Variants in FCHSD2 observed in about 807,000 individuals in gnomAD.
FCHSD2 encodes F-BAR and double SH3 domains protein 2.
Under a neutral mutation model 108.1 loss-of-function variants are expected in FCHSD2, and 38 were observed. The observed-to-expected ratio is 0.35, with a 90% CI of 0.27 to 0.46. The LOEUF is 0.46. FCHSD2 is among the 20% of genes least tolerant of loss of function. The pLI is 1.00. For missense variants in FCHSD2, 751 were observed against 897.8 expected, an observed-to-expected ratio of 0.84 and a Z score of 2.09; for synonymous variants, 279 against 314.7, an observed-to-expected ratio of 0.89 and a Z score of 1.20.
chr11:73,045,855 C>CATGT (rs1288622583), intron 3 of FCHSD2, among the ~76,000 whole-genome samples: 1 of 151,502 alleles, frequency 6.6e-6, no homozygotes. Context: ...CAGCATGGCA[C>CATGT]ATGTATACAT....
intron 3 of FCHSD2, among the ~76,000 whole-genome samples, chr11:73,051,247 T>C (rs1400117050): frequency 6.6e-6 from 1 of 152,126 alleles, no homozygotes; most frequent in Non-Finnish European, 1.5e-5. Flanking sequence ...CCCAGGGGAT[T>C]GAGGCTACGG....
At chr11:73,061,185 C>T (rs986090994) in intron 3 of FCHSD2, among the ~76,000 whole-genome samples, 3 of 152,176 alleles carry the variant, frequency 2.0e-5, no homozygotes, top group Admixed American at 6.5e-5. Context: ...GGTGGGGGGT[C>T]ACCTCACCTG....
At chr11:72,984,733 T>C (rs1857279902) in intron 7 of FCHSD2, among the ~76,000 whole-genome samples, 2 of 152,220 alleles carry the variant, frequency 1.3e-5, no homozygotes, top group South Asian at 4.1e-4. Context: ...CACTCAGGGG[T>C]CTAAATCTAA....
intron 3 of FCHSD2, among the ~76,000 whole-genome samples, chr11:73,055,812 T>C (rs926956782): frequency 1.3e-5 from 2 of 152,148 alleles, no homozygotes; most frequent in Admixed American, 1.3e-4. Context: ...ATGAAGTATC[T>C]AGACTAGGCA....
At chr11:73,061,420 C>G (rs898107442) in intron 3 of FCHSD2, among the ~76,000 whole-genome samples, 4 of 152,284 alleles carry the variant, frequency 2.6e-5, no homozygotes, top group African/African-American at 7.2e-5. Flanking sequence ...TTCTTTTTTT[C>G]CATACCCCAG....
At chr11:72,933,303 C>G (rs758340152) in intron 8 of FCHSD2, among the ~76,000 whole-genome samples, 2 of 152,086 alleles carry the variant, frequency 1.3e-5, no homozygotes, top group Non-Finnish European at 2.9e-5. Context: ...TTCTTCCTAC[C>G]AAGCAGATAG....
intron 8 of FCHSD2, among the ~76,000 whole-genome samples, chr11:72,946,141 C>T (rs568248911): frequency 5.3e-5 from 8 of 152,110 alleles, no homozygotes; most frequent in South Asian, 2.1e-4. Flanking sequence ...GACTTGGAAC[C>T]AACCCAAATG....
intron 3 of FCHSD2, among the ~76,000 whole-genome samples, chr11:73,040,676 C>A (rs1288974721): frequency 1.3e-5 from 2 of 152,154 alleles, no homozygotes; most frequent in African/African-American, 4.8e-5. Flanking sequence ...ATGATCAAAT[C>A]AAGGTATTTA....
At chr11:72,883,248 G>A (rs1462106661) in intron 12 of FCHSD2, among the ~76,000 whole-genome samples, 3 of 152,216 alleles carry the variant, frequency 2.0e-5, no homozygotes, top group Admixed American at 6.5e-5. Flanking sequence ...AACATGAGAG[G>A]ACATATCACA....
intron 8 of FCHSD2, among the ~76,000 whole-genome samples, chr11:72,973,612 T>G (rs1857048160): frequency 6.6e-6 from 1 of 152,170 alleles, no homozygotes; most frequent in Non-Finnish European, 1.5e-5. Flanking sequence ...ATAAGGGAGA[T>G]GTTTTGGGAG....
At chr11:72,966,771 T>G (rs1856915426) in intron 8 of FCHSD2, among the ~76,000 whole-genome samples, 1 of 152,038 alleles carries the variant, frequency 6.6e-6, no homozygotes, top group South Asian at 2.1e-4. Flanking sequence ...AGGTATATAA[T>G]TATAAATTAC....
chr11:73,024,054 A>G (rs1858171331), intron 3 of FCHSD2, among the ~76,000 whole-genome samples: 1 of 152,172 alleles, frequency 6.6e-6, no homozygotes, highest in Non-Finnish European at 1.5e-5. Context: ...TATACATAGT[A>G]TTGTAGTAGT....
chr11:72,887,132 T>C (rs1451861541), intron 12 of FCHSD2, among the ~76,000 whole-genome samples: 1 of 151,612 alleles, frequency 6.6e-6, no homozygotes, highest in Non-Finnish European at 1.5e-5. Context: ...TAAGGAGATA[T>C]ATATATATAT....
At chr11:73,024,913 G>T (rs1352156001) in intron 3 of FCHSD2, among the ~76,000 whole-genome samples, 11 of 152,046 alleles carry the variant, frequency 7.2e-5, no homozygotes, top group Non-Finnish European at 2.9e-5. Flanking sequence ...CTGATCATTA[G>T]AAAAATGCAA....
At chr11:73,078,314 G>A (rs964886381) in intron 3 of FCHSD2, among the ~76,000 whole-genome samples, 24 of 152,228 alleles carry the variant, frequency 1.6e-4, no homozygotes, top group South Asian at 4.1e-4. Flanking sequence ...CCACATGCCC[G>A]ATGCCCTAGC....
In FCHSD2 at chr11:72,838,779, G is replaced by A. The variant is rs1253131838; in HGVS notation, c.*12C>T. ...CCTTGATTGTAGCAGTAATGGATGG[G>A]CAAGCCCATCATCACACCAGTGTGA... On this transcript the variant is annotated 3_prime_UTR_variant, in exon 20 of 20. Transcript: ENST00000409418. 4 of 1,589,110 alleles carry A rather than the reference G, an allele frequency of 2.5e-6. No individual in the cohort carries two copies. In the African/African-American group the frequency reaches 4.0e-5, roughly 16 times the overall value.
At chr11:72,999,047 G>C (rs1857573311) in intron 5 of FCHSD2, among the ~76,000 whole-genome samples, 1 of 152,172 alleles carries the variant, frequency 6.6e-6, no homozygotes. Context: ...TGGAAAGAAA[G>C]TCTGAATTCT....
chr11:73,130,419 A>C (rs1294801360), intron 2 of FCHSD2, among the ~76,000 whole-genome samples: 1 of 152,174 alleles, frequency 6.6e-6, no homozygotes. Flanking sequence ...TCTTAACCCT[A>C]GAGATAAGTA....
intron 8 of FCHSD2, among the ~76,000 whole-genome samples, chr11:72,934,064 G>A (rs1034437336): frequency 1.4e-4 from 19 of 133,092 alleles, no homozygotes; most frequent in African/African-American, 4.3e-4. Context: ...AGCCATGATC[G>A]CGCCACTACA....
Sources: gnomAD v4.1 joint callset for allele counts (sites outside exome capture counted in the v4.1 genomes callset) on GRCh38, gnomAD v4.1.1 for gene constraint, MANE v1.5 for transcripts, NCBI Gene and HGNC (gene_info 2026-07-23, HGNC 2026-07-21) for gene names.